The following ODR4 variants were observed in gnomAD, a reference collection of about 807,000 sequenced individuals.
The protein encoded by ODR4 is odr-4 GPCR localization factor homolog, also known as protein odr-4 homolog.
ODR4 carries 47 observed loss-of-function variants against 60.2 expected under a neutral mutation model. The observed-to-expected ratio is 0.78, with a 90% CI of 0.62 to 1.00. The LOEUF (loss-of-function observed/expected upper bound fraction) is 1.00. ODR4 is among the 50% of genes least tolerant of loss of function. The pLI is 0.00. For synonymous variants in ODR4, 178 were observed against 175.5 expected, an observed-to-expected ratio of 1.01 and a Z score of -0.11; for missense variants, 488 against 530.8, an observed-to-expected ratio of 0.92 and a Z score of 0.79.
At chr1:186,430,159 G>C in the ODR4 span, among the ~76,000 whole-genome samples, 2 of 152,012 alleles carry the variant, frequency 1.3e-5, no homozygotes, top group Non-Finnish European at 2.9e-5. Context: ...AGGACACATA[G>C]AGTAGATATT....
At position 186,394,039 on chromosome 1, in the gene ODR4, A is replaced by T. The variant is rs1370450885; in HGVS notation, c.780+24A>T. 2.5e-6 allele frequency: 3 copies of T among 1,206,446 alleles called. No homozygotes were observed. In the South Asian group the frequency reaches 4.1e-5, roughly 17 times the overall value. The allele number at this position is 1,206,446 out of a possible 1,614,324, so 74.7% of individuals were successfully genotyped here. A position where few individuals can be genotyped will look rare whatever the true frequency, so the allele number is the denominator to read the frequency against. On this transcript the variant is annotated intron_variant, in intron 9 of 13. Transcript: ENST00000287859. ...TGGTAAATATTTTAAAATAACACTT[A>T]AAATATTTATTAGCATAACCATAAT...
At position 186,417,650 on chromosome 1, in the gene ODR4, CAT is replaced by C; in HGVS notation, c.1295_1296del (p.Ile432ArgfsTer22). On this transcript the variant is annotated frameshift_variant and splice_region_variant, in exon 13 of 14. Coordinates refer to ENST00000287859, the MANE Select transcript of ODR4 (RefSeq NM_017847.6). LOFTEE classifies it high-confidence loss of function. ...CAATGTTATTGAAAATTCAGCAAAACATAGGTATTTAATTTTACTTCTTTTAT... is the reference window on the plus strand; with the variant it reads ...CAATGTTATTGAAAATTCAGCAAAACAGGTATTTAATTTTACTTCTTTTAT... ...TTMLLKIQQN[I>X]GVIAAFTVAV... 1 of 1,514,686 alleles carries C rather than the reference CAT, an allele frequency of 6.6e-7. No homozygotes were observed. The highest frequency in any genetic ancestry group is 9.1e-7 in the Non-Finnish European group (1 of 1,102,860). 93.8% of individuals were successfully genotyped at this position (1,514,686 alleles called of 1,614,324 possible).
intron 1 of ODR4, among the ~76,000 whole-genome samples, chr1:186,378,685 C>T (rs982887877): frequency 6.6e-6 from 1 of 152,160 alleles, no homozygotes; most frequent in African/African-American, 2.4e-5. Flanking sequence ...TTAAGTCCCT[C>T]CTTTGCCACT....
At chr1:186,384,763 A>G (rs1468133684) in intron 3 of ODR4, among the ~76,000 whole-genome samples, 2 of 152,168 alleles carry the variant, frequency 1.3e-5, no homozygotes, top group South Asian at 4.1e-4. Flanking sequence ...CAGGCTCCTT[A>G]TGCTAAATAT....
downstream of ODR4, among the ~76,000 whole-genome samples, chr1:186,425,257 A>G (rs1661864353): frequency 6.6e-6 from 1 of 152,224 alleles, no homozygotes; most frequent in South Asian, 2.1e-4. Flanking sequence ...GTGTGAAACT[A>G]AAGACAAGTT....
chr1:186,421,896 A>C (rs1661794268), downstream of ODR4, among the ~76,000 whole-genome samples: 1 of 150,756 alleles, frequency 6.6e-6, no homozygotes, highest in African/African-American at 2.4e-5. Context: ...AATCATTCCA[A>C]AGGAAAAGAA....
rs775974888 is a variant in ODR4 at position 186,375,992 on chromosome 1, T to TCGTGTG, written c.-20+18_-20+19insCGTGTG. Reference sequence around the variant, plus strand: ...GAAAACAGGTAAGTCAGCCTAAGTGTAGTGTGTGTGTGTGTGTGTGTGTGT... The same window carrying TCGTGTG: ...GAAAACAGGTAAGTCAGCCTAAGTGTCGTGTGAGTGTGTGTGTGTGTGTGTGTGTGT... On this transcript the variant is annotated intron_variant, in intron 1 of 13. Coordinates refer to ENST00000287859, the MANE Select transcript of ODR4 (RefSeq NM_017847.6). The TCGTGTG allele has an allele frequency of 2.0e-5, 2 of 100,648 alleles. No homozygotes were observed. The highest frequency in any genetic ancestry group is 5.0e-5 in the African/African-American group (1 of 20,060). 6.2% of individuals were successfully genotyped at this position (100,648 alleles called of 1,614,324 possible).
At chr1:186,380,048 G>T (rs889914839) in intron 2 of ODR4, among the ~76,000 whole-genome samples, 164 bp downstream of exon 2, 2 of 152,140 alleles carry the variant, frequency 1.3e-5, no homozygotes, top group African/African-American at 2.4e-5. Flanking sequence ...AGGTCTTTGA[G>T]GAAACATGGA....
chr1:186,396,720 T>TATAGATAGATAGATAGATAG (rs71104855), intron 9 of ODR4, among the ~76,000 whole-genome samples: 145 of 144,878 alleles, frequency 1.0e-3, no homozygotes, highest in African/African-American at 1.3e-3. Flanking sequence ...ATGCCATAAT[T>TATAGATAGATAGATAGATAG]ATAGATAGAT....
At chr1:186,387,070 T>C (rs1660281454) in intron 4 of ODR4, among the ~76,000 whole-genome samples, 1 of 152,058 alleles carries the variant, frequency 6.6e-6, no homozygotes, top group African/African-American at 2.4e-5. Context: ...TCTTGAGACA[T>C]ATAAAACCCA....
intron 1 of ODR4, among the ~76,000 whole-genome samples, chr1:186,376,351 G>C (rs562596528): frequency 2.6e-5 from 4 of 152,268 alleles, no homozygotes; most frequent in African/African-American, 7.2e-5. Flanking sequence ...AATTTCTACA[G>C]TAACAGAACT....
chr1:186,416,259 G>A (rs1661560112), intron 12 of ODR4, among the ~76,000 whole-genome samples: 1 of 152,062 alleles, frequency 6.6e-6, no homozygotes, highest in East Asian at 1.9e-4. Context: ...AATTAGACTG[G>A]GCATGGTGGC....
chr1:186,418,941 C>G, intron 13 of ODR4, 68 bp from the exon 14 acceptor site: 1 of 1,357,050 alleles, frequency 7.4e-7, no homozygotes. Flanking sequence ...ATTTCAGAGC[C>G]TAGGATTAGT....
chr1:186,394,215 A>T (rs1660583067), intron 9 of ODR4, among the ~76,000 whole-genome samples, 200 bp downstream of exon 9: 1 of 152,186 alleles, frequency 6.6e-6, no homozygotes, highest in South Asian at 2.1e-4. Flanking sequence ...CAAGGATATT[A>T]AAATTTTAAC....
At chr1:186,380,201 T>C (rs1188006678) in intron 2 of ODR4, among the ~76,000 whole-genome samples, 1 of 152,212 alleles carries the variant, frequency 6.6e-6, no homozygotes, top group Non-Finnish European at 1.5e-5. Flanking sequence ...CCAAAGTGTT[T>C]TGTATTCCCT....
At chr1:186,382,905 T>C (rs1199780865) in intron 2 of ODR4, 117 bp from the exon 3 acceptor site, 1 of 1,045,432 alleles carries the variant, frequency 9.6e-7, no homozygotes. Flanking sequence ...TGATTTAACC[T>C]GTTACAAATA....
Position 186,390,578 on chromosome 1 carries a change from C to T in ODR4, c.475-133C>T, listed in dbSNP as rs560523977. ...TTAGTTCAACCTATAGTCTTTTGAT[C>T]AAGGGTTTAGCCATATATGTTAGAT... On this transcript the variant is annotated intron_variant, in intron 6 of 13. Transcript: ENST00000287859. The T allele has an allele frequency of 1.3e-4, 113 of 880,794 alleles. 2 individuals are homozygous for T. In the South Asian group the frequency reaches 1.7e-3, roughly 13 times the overall value. 54.6% of individuals were successfully genotyped at this position (880,794 alleles called of 1,614,324 possible).
chr1:186,409,905 T>C (rs1661307921), intron 12 of ODR4, among the ~76,000 whole-genome samples: 1 of 152,198 alleles, frequency 6.6e-6, no homozygotes, highest in South Asian at 2.1e-4. Context: ...TCAGACTTGT[T>C]CAGACTAGGT....
At chr1:186,384,316 C>T (rs1188911316) in intron 3 of ODR4, among the ~76,000 whole-genome samples, 2 of 151,606 alleles carry the variant, frequency 1.3e-5, no homozygotes, top group East Asian at 2.0e-4. Flanking sequence ...AACCAGCTCT[C>T]GTAGGAACAA....
Sources: gnomAD v4.1 joint callset for allele counts (sites outside exome capture counted in the v4.1 genomes callset) on GRCh38, gnomAD v4.1.1 for gene constraint, MANE v1.5 for transcripts, NCBI Gene and HGNC (gene_info 2026-07-23, HGNC 2026-07-21) for gene names.